OPCML: variants seen among roughly 807,000 people sequenced by gnomAD.
OPCML encodes opioid-binding protein/cell adhesion molecule.
A neutral mutation model predicts 37.8 loss-of-function variants in OPCML; 13 were observed. The observed-to-expected ratio is 0.34, with a 90% CI of 0.22 to 0.55. The LOEUF is 0.55. Among genes scored for constraint, OPCML ranks in the 20% least tolerant of loss-of-function variants. The pLI is 0.91. For synonymous variants in OPCML, 176 were observed against 168.8 expected, an observed-to-expected ratio of 1.04 and a Z score of -0.33; for missense variants, 341 against 435.6, an observed-to-expected ratio of 0.78 and a Z score of 1.93.
chr11:132,557,472 G>T (rs549290255), intron 3 of OPCML, among the ~76,000 whole-genome samples: 2 of 152,284 alleles, frequency 1.3e-5, no homozygotes, highest in Admixed American at 1.3e-4. Flanking sequence ...CTGGAAAATG[G>T]GATGCTTGAG....
intron 1 of OPCML, among the ~76,000 whole-genome samples, chr11:133,284,601 C>T (rs57589917): frequency 0.23 from 35,714 of 152,030 alleles, 5,313 homozygotes; most frequent in East Asian, 0.73. Context: ...GGAATTTGGC[C>T]TCATTCATTT....
intron 1 of OPCML, among the ~76,000 whole-genome samples, chr11:133,307,933 T>C (rs577953103): frequency 1.3e-5 from 2 of 152,256 alleles, no homozygotes; most frequent in South Asian, 2.1e-4. Flanking sequence ...AAAAGTTGTA[T>C]ACCTTTTTTT....
At chr11:132,540,388 G>A (rs2096353228) in intron 3 of OPCML, among the ~76,000 whole-genome samples, 1 of 152,202 alleles carries the variant, frequency 6.6e-6, no homozygotes, top group South Asian at 2.1e-4. Flanking sequence ...TGTGCTAAAT[G>A]TAATTGCTAA....
At chr11:133,241,513 G>A (rs188683645) in intron 1 of OPCML, among the ~76,000 whole-genome samples, 26 of 152,226 alleles carry the variant, frequency 1.7e-4, no homozygotes, top group East Asian at 1.4e-3. Flanking sequence ...ATGTTTTATC[G>A]TCATATATCA....
intron 1 of OPCML, among the ~76,000 whole-genome samples, chr11:133,371,683 A>T (rs1006106891): frequency 2.0e-5 from 3 of 152,212 alleles, no homozygotes; most frequent in Admixed American, 6.5e-5. Context: ...TGAGGCCTCC[A>T]CAGCCATGTG....
At chr11:133,434,798 G>GTA (rs57835682) in intron 1 of OPCML, among the ~76,000 whole-genome samples, 13,439 of 128,660 alleles carry the variant, frequency 0.1, 619 homozygotes, top group Middle Eastern at 0.23. Flanking sequence ...TTATATATAT[G>GTA]TATATATATA....
At chr11:133,324,146 T>A (rs1943398963) in intron 1 of OPCML, among the ~76,000 whole-genome samples, 1 of 152,180 alleles carries the variant, frequency 6.6e-6, no homozygotes, top group Non-Finnish European at 1.5e-5. Context: ...GATTTCATAT[T>A]TTATTTTGCT....
At chr11:133,484,893 AT>A (rs1947494770) in intron 1 of OPCML, among the ~76,000 whole-genome samples, 1 of 152,106 alleles carries the variant, frequency 6.6e-6, no homozygotes, top group Non-Finnish European at 1.5e-5. Flanking sequence ...ATTAACAACT[AT>A]ATGTAACGAA....
chr11:132,456,633 A>C (rs899982507), intron 4 of OPCML, among the ~76,000 whole-genome samples: 20 of 152,324 alleles, frequency 1.3e-4, no homozygotes, highest in African/African-American at 4.8e-4. Flanking sequence ...GTGGGTACCC[A>C]ACTCTCTTCC....
intron 1 of OPCML, among the ~76,000 whole-genome samples, chr11:133,485,385 T>C (rs2120385604): frequency 6.6e-6 from 1 of 152,296 alleles, no homozygotes; most frequent in South Asian, 2.1e-4. Context: ...TTTTTTAATG[T>C]CCTGAATGAA....
chr11:132,565,322 T>G (rs553448363), intron 3 of OPCML, among the ~76,000 whole-genome samples: 6 of 152,310 alleles, frequency 3.9e-5, no homozygotes, highest in African/African-American at 1.2e-4. Context: ...TGCTGGTGAC[T>G]TCACAGAAAT....
At chr11:133,282,074 A>G (rs924047358) in intron 1 of OPCML, among the ~76,000 whole-genome samples, 3 of 152,200 alleles carry the variant, frequency 2.0e-5, no homozygotes, top group African/African-American at 7.2e-5. Context: ...AGCAGAGAGT[A>G]AAAGTAAGTT....
rs576737311 is a variant in OPCML, at chr11:133,440,902, C to G, written c.61+91362G>C. Among the ~76,000 whole-genome samples the G allele has an allele frequency of 2.7e-5, 4 of 150,026 alleles. No individual in the cohort carries two copies. In the East Asian group the frequency reaches 7.8e-4, roughly 29 times the overall value. The stretch of plus-strand genomic sequence containing the variant: ...ACAAAAGACCACTTTCCATATTACA[C>G]TACAGGCTTAGCCAATAAAAATGTC... On this transcript the variant is annotated intron_variant, in intron 1 of 7. Transcript: ENST00000524381.
In OPCML at chr11:133,174,314, G is replaced by A. The variant is rs75535166; in HGVS notation, c.62-231304C>T. On this transcript the variant is annotated intron_variant, in intron 1 of 7. Coordinates refer to ENST00000524381, the MANE Select transcript of OPCML (RefSeq NM_001012393.5). The surrounding 1 kb of genome is among the most constrained non-coding windows in gnomAD (Gnocchi z 4.6). ...CCTGGAGAGAGAGGACAGGGGCCTC[G>A]CATGAACCTAGGTTCCAGGTCAGAT... Among the ~76,000 whole-genome samples, 47 of 152,206 alleles carry A rather than the reference G, an allele frequency of 3.1e-4. No homozygotes were observed. The highest frequency in any genetic ancestry group is 1.1e-3 in the African/African-American group (45 of 41,532).
chr11:133,268,081 T>C (rs1227714449), intron 1 of OPCML, among the ~76,000 whole-genome samples: 1 of 152,236 alleles, frequency 6.6e-6, no homozygotes, highest in African/African-American at 2.4e-5. Context: ...TGGCCCTGAC[T>C]ATGTTTTTCC....
rs1185109928 is a variant in OPCML, at chr11:132,417,884, T to TG, written c.*2308dup. On this transcript the variant is annotated 3_prime_UTR_variant, in exon 8 of 8. Transcript: ENST00000524381. ...GAACTGGGAATCAATGCACCATTCC[T>TG]GGCACATCAGTTACGGTTCCCGAAT... 6.6e-6 allele frequency: 1 copy of TG among 152,212 alleles called. No individual in the cohort carries two copies. The highest frequency in any genetic ancestry group is 1.5e-5 in the Non-Finnish European group (1 of 68,034). The allele number at this position is 152,212 out of a possible 1,614,324, so 9.4% of individuals were successfully genotyped here.
intron 2 of OPCML, among the ~76,000 whole-genome samples, chr11:132,916,388 C>T (rs761800261): frequency 3.3e-5 from 5 of 152,066 alleles, no homozygotes; most frequent in African/African-American, 4.8e-5. Context: ...ACATGAAAAA[C>T]GGAGTCAGTG....
intron 2 of OPCML, among the ~76,000 whole-genome samples, chr11:132,899,454 C>T (rs1186451076): frequency 6.6e-6 from 1 of 152,106 alleles, no homozygotes; most frequent in African/African-American, 2.4e-5. Flanking sequence ...AAACACTTTA[C>T]CTTCTCTTCT....
intron 2 of OPCML, among the ~76,000 whole-genome samples, chr11:132,681,771 C>T (rs181503230): frequency 2.0e-4 from 31 of 152,026 alleles, no homozygotes; most frequent in African/African-American, 5.8e-4. Flanking sequence ...CTGGCTAACA[C>T]GGTGAAACCC....
Sources: allele counts gnomAD v4.1 joint callset (sites outside exome capture counted in the v4.1 genomes callset), GRCh38; gene constraint gnomAD v4.1.1; non-coding constraint Gnocchi (gnomAD v3.1); transcripts MANE v1.5; gene names NCBI Gene and HGNC (gene_info 2026-07-23, HGNC 2026-07-21).